Variants in MPC1 observed in about 807,000 individuals in gnomAD.
MPC1 encodes the protein HSPC040 protein.
A neutral mutation model predicts 13.9 loss-of-function variants in MPC1; 6 were observed. The ratio of observed to expected loss-of-function variants is 0.43; its 90% CI spans 0.24 to 0.85. MPC1 has a LOEUF of 0.85. Ranked by LOEUF, MPC1 falls within the 40% of genes least tolerant of loss-of-function variation. The pLI, the probability that MPC1 is intolerant of heterozygous loss-of-function variation, is 0.24. For missense variants in MPC1, 115 were observed against 143.3 expected, an observed-to-expected ratio of 0.80 and a Z score of 1.01; for synonymous variants, 47 against 50.5, an observed-to-expected ratio of 0.93 and a Z score of 0.29.
intron 1 of MPC1, among the ~76,000 whole-genome samples, chr6:166,382,467 G>A (rs1433514587): frequency 6.8e-6 from 1 of 147,754 alleles, no homozygotes. Context: ...TGCCGGGAGA[G>A]GACACCCACT....
Position 166,365,232 on chromosome 6 carries a change from AG to A in MPC1, c.*196del. On this transcript the variant is annotated 3_prime_UTR_variant, in exon 5 of 5. Coordinates refer to ENST00000360961, the MANE Select transcript of MPC1 (RefSeq NM_016098.4). This position sits in a 1 kb window ranked among gnomAD's most constrained non-coding sequence, Gnocchi z 4.2. ...ATATTTTGAGCTACTCTTTATGGAA[AG>A]AAGTAAAATATTTAATACTTGTAAG... is the stretch of plus-strand genomic sequence containing the variant. 1 of 424,272 alleles carries A rather than the reference AG, an allele frequency of 2.4e-6. No individual in the cohort carries two copies. The highest frequency in any genetic ancestry group is 3.6e-5 in the East Asian group (1 of 27,792). The allele number at this position is 424,272 out of a possible 1,614,324, so 26.3% of individuals were successfully genotyped here.
chr6:166,380,076 G>A (rs576778718), intron 1 of MPC1, among the ~76,000 whole-genome samples: 1 of 152,314 alleles, frequency 6.6e-6, no homozygotes, highest in Admixed American at 6.5e-5. Flanking sequence ...CACATCACGT[G>A]TTCACCTTTC....
intron 1 of MPC1, among the ~76,000 whole-genome samples, chr6:166,375,712 T>C (rs917111460): frequency 3.3e-5 from 5 of 152,228 alleles, no homozygotes; most frequent in African/African-American, 1.2e-4. Context: ...ATTTTCCAGC[T>C]TTCGTTAGTG....
intron 2 of MPC1, among the ~76,000 whole-genome samples, chr6:166,368,367 C>T (rs1018209590): frequency 6.6e-6 from 1 of 151,984 alleles, no homozygotes; most frequent in Non-Finnish European, 1.5e-5. Context: ...ACTAGCCTGG[C>T]CAACATGGTA....
chr6:166,366,684 G>C (rs1180554383), intron 3 of MPC1, 111 bp downstream of exon 3: 30 of 991,060 alleles, frequency 3.0e-5, no homozygotes, highest in Non-Finnish European at 4.6e-5. Context: ...ATCACATTCT[G>C]TATGTGACTT....
intron 1 of MPC1, among the ~76,000 whole-genome samples, chr6:166,379,642 C>G (rs541594600): frequency 2.6e-5 from 4 of 152,178 alleles, no homozygotes; most frequent in African/African-American, 4.8e-5. Flanking sequence ...TTTTAAAATT[C>G]TAGAACAGCT....
chr6:166,382,146 G>C (rs1779811155), intron 1 of MPC1, among the ~76,000 whole-genome samples: 1 of 152,262 alleles, frequency 6.6e-6, no homozygotes, highest in African/African-American at 2.4e-5. Flanking sequence ...GGCCCGGAGG[G>C]ACGTGCCCAC....
At chr6:166,370,575 C>T (rs1471068211) in intron 1 of MPC1, among the ~76,000 whole-genome samples, 2 of 152,142 alleles carry the variant, frequency 1.3e-5, no homozygotes, top group Non-Finnish European at 2.9e-5. Flanking sequence ...AAAAGAAGGC[C>T]GGGGACAGTG....
In MPC1 at chr6:166,366,820, C is replaced by T. The variant is rs1436756484; in HGVS notation, c.147G>A (p.Glu49=). The change falls in exon 3 of 5, where the codon GAG becomes GAA. Residue 49 remains glutamate (E), a synonymous_variant. Coordinates refer to ENST00000360961, the MANE Select transcript of MPC1 (RefSeq NM_016098.4). ...AAINDMKKSP[E]IISGRMTFAL... is the part of the protein sequence containing the mutation. ...CAAATGTCATCCGCCCACTGATAAT[C>T]TCTGGAGACTTTTTCATATCATTGA... 2 of 1,614,076 alleles carry T rather than the reference C, an allele frequency of 1.2e-6. No individual in the cohort carries two copies. Among genetic ancestry groups the T allele is most frequent in the South Asian group, 1.1e-5 (1 of 91,078 alleles).
intron 2 of MPC1, among the ~76,000 whole-genome samples, chr6:166,369,669 T>G (rs1489802029): frequency 6.6e-6 from 1 of 152,240 alleles, no homozygotes; most frequent in East Asian, 1.9e-4. Context: ...AGAATACAAT[T>G]GATTTATGCT....
intron 1 of MPC1, among the ~76,000 whole-genome samples, chr6:166,373,164 A>G (rs182067853): frequency 2.4e-4 from 36 of 152,264 alleles, no homozygotes; most frequent in Non-Finnish European, 4.9e-4. Flanking sequence ...ATTGTTACCC[A>G]AAGTCCATAT....
chr6:166,382,915 T>C lies in MPC1; in HGVS notation c.-39A>G, dbSNP rs746906037. The C allele has an allele frequency of 5.1e-6, 8 of 1,569,822 alleles. No homozygotes were observed. In the African/African-American group the frequency reaches 7.0e-5, roughly 14 times the overall value. ...CCAGACCCCGAGTGGTCCCTGCCTC[T>C]GCTGCCGCTTCCCAGAGCCAATGAC... On this transcript the variant is annotated 5_prime_UTR_variant, in exon 1 of 5. Coordinates refer to ENST00000360961, the MANE Select transcript of MPC1 (RefSeq NM_016098.4).
chr6:166,372,185 A>C (rs915874895), intron 1 of MPC1, among the ~76,000 whole-genome samples: 1 of 152,204 alleles, frequency 6.6e-6, no homozygotes, highest in Admixed American at 6.5e-5. Flanking sequence ...CTTTGTCAGT[A>C]TCTGAACACT....
chr6:166,376,494 T>G (rs551391148), intron 1 of MPC1, among the ~76,000 whole-genome samples: 2 of 152,330 alleles, frequency 1.3e-5, no homozygotes, highest in South Asian at 4.1e-4. Context: ...ACTGGGGCCC[T>G]CAACAGATTT....
intron 1 of MPC1, among the ~76,000 whole-genome samples, chr6:166,375,900 T>C (rs992688704): frequency 1.4e-4 from 21 of 152,238 alleles, no homozygotes; most frequent in Admixed American, 2.6e-4. Context: ...TCATATCCAG[T>C]TGATTCATTG....
Position 166,365,420 on chromosome 6 carries a change from T to C in MPC1, c.*9A>G. 2 of 1,569,884 alleles carry C rather than the reference T, an allele frequency of 1.3e-6. No individual in the cohort carries two copies. The highest frequency in any genetic ancestry group is 1.7e-6 in the Non-Finnish European group (2 of 1,156,554). On this transcript the variant is annotated 3_prime_UTR_variant, in exon 5 of 5. Coordinates refer to ENST00000360961, the MANE Select transcript of MPC1 (RefSeq NM_016098.4). This position sits in a 1 kb window ranked among gnomAD's most constrained non-coding sequence, Gnocchi z 4.2. ...GTCCCTTCAAGACCTTGTTCTTCCT[T>C]TTCCATTGTTATGCAGATGCCGTTT...
At chr6:166,368,667 T>G in intron 2 of MPC1, 1 of 762,454 alleles carries the variant, frequency 1.3e-6, no homozygotes, top group Non-Finnish European at 1.6e-6. Context: ...TATGGCCAGT[T>G]TTCTTTTTTC....
At chr6:166,366,632 C>T (rs556893300) in intron 3 of MPC1, among the ~76,000 whole-genome samples, 163 bp downstream of exon 3, 1 of 152,312 alleles carries the variant, frequency 6.6e-6, no homozygotes, top group Admixed American at 6.5e-5. Context: ...TCTAATTAAT[C>T]TTGTTTCTTA....
chr6:166,380,073 C>T (rs1176141013), intron 1 of MPC1, among the ~76,000 whole-genome samples: 2 of 152,208 alleles, frequency 1.3e-5, no homozygotes, highest in Non-Finnish European at 2.9e-5. Flanking sequence ...TTTCACATCA[C>T]GTGTTCACCT....
Sources: gnomAD v4.1 joint callset for allele counts (sites outside exome capture counted in the v4.1 genomes callset) on GRCh38, gnomAD v4.1.1 for gene constraint, Gnocchi (gnomAD v3.1) non-coding constraint, MANE v1.5 for transcripts, NCBI Gene and HGNC (gene_info 2026-07-23, HGNC 2026-07-21) for gene names.